The following LRIG2 variants were observed in gnomAD, a reference collection of about 807,000 sequenced individuals.
LRIG2 encodes the protein leucine rich repeats and immunoglobulin like domains 2, also known as leucine-rich repeats and immunoglobulin-like domains protein 2.
LRIG2 carries 93 observed loss-of-function variants against 107.8 expected under a neutral mutation model. The ratio of observed to expected loss-of-function variants is 0.86; its 90% CI spans 0.73 to 1.03. The LOEUF is 1.03. Among genes scored for constraint, LRIG2 ranks in the 50% least tolerant of loss-of-function variants. LRIG2 has a pLI of 0.00. For synonymous variants in LRIG2, 471 were observed against 470.6 expected (o/e 1.00, Z -0.01); for missense variants, 1,226 against 1,296.0 (o/e 0.95, Z 0.83).
At chr1:113,074,006 A>C in intron 1 of LRIG2, among the ~76,000 whole-genome samples, 1 of 150,148 alleles carries the variant, frequency 6.7e-6, no homozygotes, top group Non-Finnish European at 1.5e-5. Flanking sequence ...TGAGCACGGA[A>C]CAGTGCTTTC....
chr1:113,105,670 C>T (rs1654509714), intron 11 of LRIG2, among the ~76,000 whole-genome samples: 1 of 151,672 alleles, frequency 6.6e-6, no homozygotes, highest in African/African-American at 2.4e-5. Flanking sequence ...CCCAGATACT[C>T]AGAAAGCTCA....
intron 1 of LRIG2, among the ~76,000 whole-genome samples, chr1:113,084,937 A>G (rs1264605184): frequency 2.0e-5 from 3 of 152,246 alleles, no homozygotes; most frequent in Non-Finnish European, 4.4e-5. Flanking sequence ...AAATGTTACA[A>G]TATTCAGTTG....
chr1:113,082,391 T>G (rs1653328176), intron 1 of LRIG2, among the ~76,000 whole-genome samples: 1 of 152,214 alleles, frequency 6.6e-6, no homozygotes, highest in African/African-American at 2.4e-5. Context: ...GGTGTATTAG[T>G]CTCTTGCACT....
In LRIG2 at chr1:113,098,788, A is replaced by T. The variant is rs1221792016; in HGVS notation, c.1172+3A>T. The T allele has an allele frequency of 6.4e-7, 1 of 1,557,146 alleles. No individual in the cohort carries two copies. Among genetic ancestry groups the T allele is most frequent in the East Asian group, 2.2e-5 (1 of 44,624 alleles). On this transcript the variant is annotated splice_donor_region_variant and intron_variant, in intron 9 of 17. Coordinates refer to ENST00000361127, the MANE Select transcript of LRIG2 (RefSeq NM_014813.3). Reference sequence around the variant, plus strand: ...GGACTCACAAGTCTCACTAAACTGTATGTATTATAATATTTATGTATGTCT... The same window carrying T: ...GGACTCACAAGTCTCACTAAACTGTTTGTATTATAATATTTATGTATGTCT...
chr1:113,119,569 A>G (rs759112355), intron 17 of LRIG2, 46 bp downstream of exon 17: 1 of 1,567,862 alleles, frequency 6.4e-7, no homozygotes, highest in African/African-American at 1.4e-5. Context: ...CTTTCGTCTA[A>G]TTGACTCTTC....
intron 1 of LRIG2, among the ~76,000 whole-genome samples, chr1:113,086,193 T>A (rs1653544492): frequency 6.6e-6 from 1 of 151,746 alleles, no homozygotes; most frequent in African/African-American, 2.4e-5. Flanking sequence ...TTAGTAGAAA[T>A]GGGGTTTCAC....
chr1:113,102,592 A>AC (rs1654356494), intron 11 of LRIG2, among the ~76,000 whole-genome samples: 1 of 150,326 alleles, frequency 6.7e-6, no homozygotes, highest in African/African-American at 2.4e-5. Flanking sequence ...TTTTTTTTTT[A>AC]CCCCAAACTG....
At chr1:113,078,065 T>C (rs916169727) in intron 1 of LRIG2, among the ~76,000 whole-genome samples, 1 of 152,068 alleles carries the variant, frequency 6.6e-6, no homozygotes, top group African/African-American at 2.4e-5. Context: ...GGATATGAAC[T>C]CACCCTTTTT....
intron 1 of LRIG2, among the ~76,000 whole-genome samples, chr1:113,090,915 G>A (rs1200805210): frequency 6.6e-6 from 1 of 151,008 alleles, no homozygotes; most frequent in Non-Finnish European, 1.5e-5. Context: ...ACAGTGACGT[G>A]AACTTGGCTC....
intron 17 of LRIG2, among the ~76,000 whole-genome samples, chr1:113,122,302 G>T (rs112997127): frequency 0.062 from 9,460 of 151,870 alleles, 359 homozygotes; most frequent in Non-Finnish European, 0.091. Context: ...GGCCAGGCTG[G>T]TCTCAAACTC....
At chr1:113,078,808 T>C (rs1418155267) in intron 1 of LRIG2, among the ~76,000 whole-genome samples, 2 of 151,522 alleles carry the variant, frequency 1.3e-5, no homozygotes, top group East Asian at 3.9e-4. Context: ...GCCCAGCTAA[T>C]TTTGTATTTT....
rs376559443 is a variant in LRIG2, at chr1:113,115,652, C to T, written c.2531-635C>T. On this transcript the variant is annotated intron_variant, in intron 15 of 17. Transcript: ENST00000361127. ...AAGCGATTCTCCTGACTCAGCCTCC[C>T]GAGTAGCTGGGACTACAGGCGTGTG... 2.2e-4 allele frequency among the ~76,000 whole-genome samples: 33 copies of T among 151,970 alleles called. No individual in the cohort carries two copies. In the East Asian group the frequency reaches 3.1e-3, roughly 14 times the overall value.
intron 1 of LRIG2, among the ~76,000 whole-genome samples, chr1:113,076,166 C>T (rs1056812298): frequency 6.6e-6 from 1 of 151,068 alleles, no homozygotes; most frequent in Admixed American, 6.6e-5. Context: ...CCAGTATGCC[C>T]ACCTAATTTT....
In LRIG2 at chr1:113,120,004, T is replaced by G. The variant is rs531826572; in HGVS notation, c.2971+481T>G. Among the ~76,000 whole-genome samples, 340 of 151,928 alleles carry G rather than the reference T, an allele frequency of 2.2e-3. 1 individual carries two copies. The highest frequency in any genetic ancestry group is 7.8e-3 in the African/African-American group (325 of 41,458). On this transcript the variant is annotated intron_variant, in intron 17 of 17. Coordinates refer to ENST00000361127, the MANE Select transcript of LRIG2 (RefSeq NM_014813.3). ...TTTGTATTTTTAGTAGAGGTGGGGT[T>G]TAACCATGTTGGCCAGGCTGGTCAT...
Position 113,110,374 on chromosome 1 carries a change from G to A in LRIG2, c.1610G>A (p.Ser537Asn). 1 of 1,614,202 alleles carries A rather than the reference G, an allele frequency of 6.2e-7. No individual in the cohort carries two copies. Among genetic ancestry groups the A allele is most frequent in the South Asian group, 1.1e-5 (1 of 91,086 alleles). ...ATGTCCACTGTGTGGCGCAAAGACA[G>A]TGAAATCCTGTATGACGTGGATACT... Reference protein sequence around the residue: ...SPMSTVWRKDSEILYDVDTEN... With the variant: ...SPMSTVWRKDNEILYDVDTEN... Residue 537 changes from serine (S) to asparagine (N), a missense_variant, in exon 13 of 18, where the codon AGT becomes AAT. Around this residue, in one of 3 missense-constraint regions of LRIG2, gnomAD observed 642 missense variants for 712.2 expected, o/e 0.90. Coordinates refer to ENST00000361127, the MANE Select transcript of LRIG2 (RefSeq NM_014813.3).
At chr1:113,098,898 A>T in intron 9 of LRIG2, 113 bp downstream of exon 9, 3 of 673,616 alleles carry the variant, frequency 4.5e-6, no homozygotes, top group Non-Finnish European at 7.7e-6. Flanking sequence ...GCTTTCTGAC[A>T]CTCTGGGAGC....
At chr1:113,092,640 G>A (rs1456161294) in intron 2 of LRIG2, among the ~76,000 whole-genome samples, 1 of 152,124 alleles carries the variant, frequency 6.6e-6, no homozygotes, top group Non-Finnish European at 1.5e-5. Flanking sequence ...TATTTAATGT[G>A]CAAAATACTT....
chr1:113,091,506 G>T (rs1653825193), intron 2 of LRIG2, 123 bp downstream of exon 2: 16 of 585,844 alleles, frequency 2.7e-5, no homozygotes, highest in Middle Eastern at 4.7e-4. Context: ...TTAGTTAAAA[G>T]AAATTATTTG....
rs372017037 is a variant in LRIG2 at position 113,093,489 on chromosome 1, A to T, written c.440A>T (p.Glu147Val). ...AQALQFYPAL[E>V]SLDLSSNIIS... ...GCACTCCAGTTTTACCCTGCTCTGG[A>T]GAGTTTAGACCTCAGCTCAAATATA... The change falls in exon 4 of 18, where the codon GAG becomes GTG. Residue 147 changes from glutamate (E) to valine (V), a missense_variant. Glu to Val is a moderately radical substitution (Grantham distance 121). This residue lies in a region of LRIG2 where 570 missense variants were observed against 550.2 expected (regional missense o/e 1.04). Transcript: ENST00000361127. 2 of 1,612,906 alleles carry T rather than the reference A, an allele frequency of 1.2e-6. No individual in the cohort carries two copies. Among genetic ancestry groups the T allele is most frequent in the Non-Finnish European group, 1.7e-6 (2 of 1,178,970 alleles).
Sources: allele counts gnomAD v4.1 joint callset (sites outside exome capture counted in the v4.1 genomes callset), GRCh38; gene constraint gnomAD v4.1.1; regional missense constraint gnomAD v4.1.1; transcripts MANE v1.5; gene names NCBI Gene and HGNC (gene_info 2026-07-23, HGNC 2026-07-21).